Variants in ZBTB45 observed in about 807,000 individuals in gnomAD.
The protein encoded by ZBTB45 is zinc finger and BTB domain-containing protein 45.
ZBTB45 carries 22 observed loss-of-function variants against 28.4 expected under a neutral mutation model. The ratio of observed to expected loss-of-function variants is 0.77; its 90% CI spans 0.55 to 1.10. The LOEUF is 1.10. ZBTB45 is among the 50% of genes least tolerant of loss of function. The pLI, the probability that ZBTB45 is intolerant of heterozygous loss-of-function variation, is 0.00. For missense variants in ZBTB45, 656 were observed against 750.2 expected, an observed-to-expected ratio of 0.87 and a Z score of 1.47; for synonymous variants, 361 against 332.3, an observed-to-expected ratio of 1.09 and a Z score of -0.94.
chr19:58,532,792 C>A (rs2053641599), intron 1 of ZBTB45, among the ~76,000 whole-genome samples: 1 of 152,094 alleles, frequency 6.6e-6, no homozygotes, highest in East Asian at 1.9e-4. Flanking sequence ...GGTGATCCGC[C>A]CACCTCGGCC....
At position 58,517,650 on chromosome 19, in the gene ZBTB45, A is replaced by G. The variant is rs1479672298; in HGVS notation, c.24T>C (p.His8=). The change falls in exon 2 of 3, where the codon CAT becomes CAC. Residue 8 remains histidine, a synonymous_variant. Coordinates refer to ENST00000594051, the MANE Select transcript of ZBTB45 (RefSeq NM_001316979.2). MAAAEAV[H]HIHLQNFSRS... is the part of the protein sequence containing the mutation. ...GTGAGAAGTTCTGCAGGTGTATGTG[A>G]TGCACAGCCTCTGCAGCCGCCATCT... 5.0e-6 allele frequency: 8 copies of G among 1,613,306 alleles called. No homozygotes were observed. The highest frequency in any genetic ancestry group is 6.8e-6 in the Non-Finnish European group (8 of 1,179,690).
rs111742173 is a variant in ZBTB45, at chr19:58,516,609, C to T, written c.1065G>A (p.Ala355=). Residue 355 remains alanine, a synonymous_variant, in exon 2 of 3, where the codon GCG becomes GCA. Transcript: ENST00000594051. This position sits in a 1 kb window ranked among gnomAD's most constrained non-coding sequence, Gnocchi z 6.2. ...GTGTGGGGTAGAAGGCGGGTGGGGG[C>T]GCAGGGGCTGGCCCCGATGGTGCTG... ...PPSAPSGPAP[A]PPPAFYPTLQ... The T allele has an allele frequency of 3.5e-3, 5,400 of 1,557,536 alleles. 91 individuals carry two copies. The African/African-American group carries it at 0.05, about 15-fold the overall frequency.
chr19:58,522,199 T>C (rs2053582634), upstream of ZBTB45, among the ~76,000 whole-genome samples: 1 of 150,564 alleles, frequency 6.6e-6, no homozygotes, highest in South Asian at 2.1e-4. Flanking sequence ...CTCGCTCTTG[T>C]CCCCCAGGCT....
chr19:58,524,435 A>ATATG (rs1555797057), upstream of ZBTB45, among the ~76,000 whole-genome samples: 2 of 138,260 alleles, frequency 1.4e-5, no homozygotes, highest in African/African-American at 2.7e-5. Flanking sequence ...GTGTTCATAT[A>ATATG]TGTGTGTGTG....
chr19:58,530,155 G>C (rs1039551578), intron 1 of ZBTB45, among the ~76,000 whole-genome samples: 2 of 151,866 alleles, frequency 1.3e-5, no homozygotes. Flanking sequence ...AGTGAGCCAT[G>C]ATGGCACCAC....
rs2053506309 is a variant in ZBTB45, at chr19:58,516,833, C to T, written c.841G>A (p.Asp281Asn). ...GATACATAGCTGTCTGGAAATACGT[C>T]CTCAGCTGACCCAGCTCCCCGAAGA... ...DFLRGAGSAEDVFPDSYVSTW... is the reference protein window; with the variant it reads ...DFLRGAGSAENVFPDSYVSTW... Residue 281 changes from aspartate (D) to asparagine (N), a missense_variant, in exon 2 of 3, where the codon GAC (aspartate) becomes AAC (asparagine). By Grantham distance (23) the Asp-to-Asn change is conservative. Coordinates refer to ENST00000594051, the MANE Select transcript of ZBTB45 (RefSeq NM_001316979.2). This position sits in a 1 kb window ranked among gnomAD's most constrained non-coding sequence, Gnocchi z 6.2. 3.7e-6 allele frequency: 6 copies of T among 1,613,610 alleles called. No homozygotes were observed. The highest frequency in any genetic ancestry group is 5.1e-6 in the Non-Finnish European group (6 of 1,180,034).
intron 1 of ZBTB45, among the ~76,000 whole-genome samples, chr19:58,518,057 C>G (rs1235740580): frequency 6.6e-6 from 1 of 151,254 alleles, no homozygotes; most frequent in Non-Finnish European, 1.5e-5. Flanking sequence ...ATGTGCCCCT[C>G]CAAGAGGGCA....
At chr19:58,527,455 A>G (rs2053613820) in intron 1 of ZBTB45, among the ~76,000 whole-genome samples, 2 of 152,126 alleles carry the variant, frequency 1.3e-5, no homozygotes, top group Non-Finnish European at 2.9e-5. Flanking sequence ...GAATCTGTCC[A>G]TGGATGTGTC....
At chr19:58,524,063 C>CAAA (rs529087016), upstream of ZBTB45, among the ~76,000 whole-genome samples, 11 of 73,078 alleles carry the variant, frequency 1.5e-4, 1 homozygote, top group South Asian at 6.8e-4. Flanking sequence ...GACTCTGTCT[C>CAAA]AAAAAAAAAA....
chr19:58,536,026 T>C (rs533689341), intron 1 of ZBTB45, among the ~76,000 whole-genome samples: 1 of 151,986 alleles, frequency 6.6e-6, no homozygotes, highest in South Asian at 2.1e-4. Context: ...GGAAGAGTGA[T>C]AAGGTCAGAA....
upstream of ZBTB45, chr19:58,520,137 C>G (rs1318121759): frequency 6.6e-6 from 1 of 152,244 alleles, no homozygotes; most frequent in African/African-American, 2.4e-5. Flanking sequence ...TTAAACCCCA[C>G]TGCGAACCGG....
At chr19:58,525,352 G>A (rs1181862555) in intron 1 of ZBTB45, among the ~76,000 whole-genome samples, 1 of 152,212 alleles carries the variant, frequency 6.6e-6, no homozygotes, top group Non-Finnish European at 1.5e-5. Flanking sequence ...ACAGGAGCAG[G>A]CACTAAGCAT....
upstream of ZBTB45, among the ~76,000 whole-genome samples, chr19:58,524,487 A>ACC (rs752966916): frequency 2.1e-5 from 3 of 145,130 alleles, no homozygotes; most frequent in Non-Finnish European, 4.5e-5. Flanking sequence ...GAACCCAAAG[A>ACC]CCTTAACCCT....
upstream of ZBTB45, among the ~76,000 whole-genome samples, chr19:58,520,632 A>T (rs2053569316): frequency 2.6e-5 from 4 of 152,200 alleles, no homozygotes; most frequent in Admixed American, 2.6e-4. Context: ...CAGAAGAGGA[A>T]GGTGGAGAAA....
rs1221437313 is a variant in ZBTB45 at position 58,517,011 on chromosome 19, C to G, written c.663G>C (p.Glu221Asp). The change falls in exon 2 of 3, where the codon GAG becomes GAC. Residue 221 changes from glutamate (E) to aspartate (D), a missense_variant. Physicochemically the swap from Glu to Asp is conservative, Grantham distance 45. This residue lies in a region of ZBTB45 where 448 missense variants were observed against 444.3 expected (regional missense o/e 1.01). Transcript: ENST00000594051. ...CGCCTGGGCCGCCACCTTCGCCATC[C>G]TCGCCATCGGTCTCATCGTCACTTT... Reference protein sequence around the residue: ...DEESDDETDGEDGEGGGPGEG... With the variant: ...DEESDDETDGDDGEGGGPGEG... 1 of 1,613,284 alleles carries G rather than the reference C, an allele frequency of 6.2e-7. No homozygotes were observed. The highest frequency in any genetic ancestry group is 1.1e-5 in the South Asian group (1 of 91,090).
chr19:58,534,419 G>T (rs1476055646), intron 1 of ZBTB45, among the ~76,000 whole-genome samples: 2 of 151,948 alleles, frequency 1.3e-5, no homozygotes, highest in African/African-American at 2.4e-5. Context: ...TTTTGAGACA[G>T]AATCTCTATC....
rs748049672 is a variant in ZBTB45 at position 58,516,556 on chromosome 19, T to C, written c.1118A>G (p.Gln373Arg). The C allele has an allele frequency of 1.2e-6, 2 of 1,604,492 alleles. No homozygotes were observed. Among genetic ancestry groups the C allele is most frequent in the African/African-American group, 2.7e-5 (2 of 74,280 alleles). ...TLQPEAAPST[Q>R]LGEVPAPSAA... is the part of the protein sequence containing the mutation. ...AGAGGGAGCCGGGACCTCCCCCAGC[T>C]GAGTACTGGGGGCTGCCTCGGGCTG... The change falls in exon 2 of 3, where the codon CAG becomes CGG. Residue 373 changes from glutamine to arginine, a missense_variant. Gln to Arg is a conservative substitution (Grantham distance 43). Transcript: ENST00000594051. The surrounding 1 kb of genome is among the most constrained non-coding windows in gnomAD (Gnocchi z 6.2).
chr19:58,527,963 G>A (rs1458302721), intron 1 of ZBTB45, among the ~76,000 whole-genome samples: 2 of 152,186 alleles, frequency 1.3e-5, no homozygotes, highest in Admixed American at 6.5e-5. Context: ...TTATCTGGGC[G>A]TGGCAGTACG....
At chr19:58,525,135 G>C (rs2053601056) in intron 1 of ZBTB45, among the ~76,000 whole-genome samples, 1 of 152,126 alleles carries the variant, frequency 6.6e-6, no homozygotes, top group Admixed American at 6.6e-5. Flanking sequence ...TTCCATCTCA[G>C]TCAGGATCCC....
Sources: allele counts gnomAD v4.1 joint callset (sites outside exome capture counted in the v4.1 genomes callset), GRCh38; gene constraint gnomAD v4.1.1; regional missense constraint gnomAD v4.1.1; non-coding constraint Gnocchi (gnomAD v3.1); transcripts MANE v1.5; gene names NCBI Gene and HGNC (gene_info 2026-07-23, HGNC 2026-07-21).